DSCAM: variants seen among roughly 807,000 people sequenced by gnomAD.
DSCAM encodes the protein cell adhesion molecule DSCAM.
A neutral mutation model predicts 217.7 loss-of-function variants in DSCAM; 47 were observed. The observed-to-expected ratio is 0.22, with a 90% confidence interval of 0.17 to 0.28. The LOEUF (loss-of-function observed/expected upper bound fraction) is 0.28. Among genes scored for constraint, DSCAM ranks in the 10% least tolerant of loss-of-function variants. The pLI, the probability that DSCAM is intolerant of heterozygous loss-of-function variation, is 1.00. For missense variants in DSCAM, 2,080 were observed against 2,618.3 expected (o/e 0.79, Z 4.49); for synonymous variants, 1,056 against 1,015.3 (o/e 1.04, Z -0.76).
At chr21:40,810,288 T>C (rs940440722) in intron 1 of DSCAM, among the ~76,000 whole-genome samples, 1 of 151,718 alleles carries the variant, frequency 6.6e-6, no homozygotes, top group African/African-American at 2.4e-5. Flanking sequence ...CAGGAAGGAG[T>C]GTGTGGTAAT....
intron 32 of DSCAM, among the ~76,000 whole-genome samples, chr21:40,018,630 T>A (rs2088207654): frequency 1.3e-5 from 2 of 152,188 alleles, no homozygotes; most frequent in African/African-American, 4.8e-5. Context: ...GACTGCAGAA[T>A]GCGCAGGTCT....
chr21:40,057,049 C>A (rs2089036816), intron 28 of DSCAM, among the ~76,000 whole-genome samples: 1 of 152,168 alleles, frequency 6.6e-6, no homozygotes, highest in African/African-American at 2.4e-5. Flanking sequence ...CTGATGAGAT[C>A]CATGTATACT....
chr21:40,765,893 G>A (rs868376383), intron 1 of DSCAM, among the ~76,000 whole-genome samples: 3 of 152,184 alleles, frequency 2.0e-5, no homozygotes, highest in East Asian at 1.9e-4. Flanking sequence ...CATGTGGCTG[G>A]TCAGCTGCAG....
chr21:40,704,338 C>T (rs914944943), intron 2 of DSCAM, among the ~76,000 whole-genome samples: 16 of 152,118 alleles, frequency 1.1e-4, no homozygotes, highest in Admixed American at 9.8e-4. Flanking sequence ...TTAAATTTCC[C>T]CCATATCTTT....
At chr21:40,487,793 A>T (rs1019476383) in intron 3 of DSCAM, among the ~76,000 whole-genome samples, 1 of 152,174 alleles carries the variant, frequency 6.6e-6, no homozygotes, top group African/African-American at 2.4e-5. Context: ...CCAGGGAGAC[A>T]TCCAGGTTTT....
intron 14 of DSCAM, among the ~76,000 whole-genome samples, chr21:40,185,813 A>AG (rs1257606852): frequency 6.6e-6 from 1 of 152,156 alleles, no homozygotes; most frequent in Non-Finnish European, 1.5e-5. Flanking sequence ...ATGCTTGTTC[A>AG]GCTCAGCACT....
At chr21:40,036,314 TA>T (rs1199243053) in intron 32 of DSCAM, among the ~76,000 whole-genome samples, 17 of 149,684 alleles carry the variant, frequency 1.1e-4, no homozygotes, top group Admixed American at 1.1e-3. Flanking sequence ...ATAGATGCAA[TA>T]AAAAATGATA....
intron 8 of DSCAM, among the ~76,000 whole-genome samples, chr21:40,333,942 T>C (rs1168721693): frequency 6.6e-6 from 1 of 152,178 alleles, no homozygotes; most frequent in Admixed American, 6.5e-5. Flanking sequence ...TTGCAACCAA[T>C]GGGGTCATAG....
rs1247126340 is a variant in DSCAM at position 40,087,202 on chromosome 21, G to T, written c.3936C>A (p.Asp1312Glu). The part of the protein sequence containing the change: ...DIVLPCKAVG[D>E]PSPAVKWMKD... ...TCATCCATTTGACTGCAGGAGAAGG[G>T]TCCCCAACAGCCTTACAAGGCAAGA... Residue 1312 changes from aspartate (D) to glutamate (E), a missense_variant, in exon 22 of 33, where the codon GAC becomes GAA. Around this residue, in one of 5 missense-constraint regions of DSCAM, gnomAD observed 1,144 missense variants for 1,421.1 expected, o/e 0.81. Transcript: ENST00000400454. 6.2e-7 allele frequency: 1 copy of T among 1,614,018 alleles called. No individual in the cohort carries two copies. Among genetic ancestry groups the T allele is most frequent in the Admixed American group, 1.7e-5 (1 of 60,012 alleles).
At chr21:40,707,695 G>C (rs1568995210) in intron 2 of DSCAM, among the ~76,000 whole-genome samples, 1 of 152,178 alleles carries the variant, frequency 6.6e-6, no homozygotes, top group Non-Finnish European at 1.5e-5. Flanking sequence ...TTCAGAGCTA[G>C]ACTTAAAAAA....
chr21:40,348,711 G>A (rs2074594479), intron 5 of DSCAM, among the ~76,000 whole-genome samples: 1 of 152,132 alleles, frequency 6.6e-6, no homozygotes, highest in Non-Finnish European at 1.5e-5. Context: ...ATTTCACAGA[G>A]GAGCATTTTG....
chr21:40,247,173 G>A (rs186936672), intron 11 of DSCAM, among the ~76,000 whole-genome samples: 58 of 152,264 alleles, frequency 3.8e-4, no homozygotes, highest in Admixed American at 2.4e-3. Flanking sequence ...AATTCTGGGA[G>A]ATACAATTCA....
At chr21:40,652,100 T>C (rs2090020646) in intron 3 of DSCAM, among the ~76,000 whole-genome samples, 1 of 148,046 alleles carries the variant, frequency 6.8e-6, no homozygotes, top group Non-Finnish European at 1.5e-5. Context: ...TACTTTTAGC[T>C]GGTGAGAACA....
intron 20 of DSCAM, among the ~76,000 whole-genome samples, chr21:40,111,183 C>T (rs1402968489): frequency 6.6e-6 from 1 of 152,146 alleles, no homozygotes; most frequent in Non-Finnish European, 1.5e-5. Context: ...GGGTTACCCA[C>T]AAAGGAAAGC....
rs570027771 is a variant in DSCAM at position 40,482,039 on chromosome 21, T to G, written c.509-112794A>C. 7.7e-4 allele frequency among the ~76,000 whole-genome samples: 117 copies of G among 152,348 alleles called. 2 individuals are homozygous for G. In the Middle Eastern group the frequency reaches 0.014, roughly 18 times the overall value. On this transcript the variant is annotated intron_variant, in intron 3 of 32. Coordinates refer to ENST00000400454, the MANE Select transcript of DSCAM (RefSeq NM_001389.5). ...GTGTCTGAAGTCACTATAATTACCA[T>G]GGCAACACCACTCCGGGGGGAAGAG...
At chr21:40,143,477 A>G (rs2090316577) in intron 17 of DSCAM, among the ~76,000 whole-genome samples, 1 of 152,222 alleles carries the variant, frequency 6.6e-6, no homozygotes. Context: ...TACAGGTGCA[A>G]GTCCTATCTG....
At chr21:40,148,104 T>C (rs2090380053) in intron 16 of DSCAM, among the ~76,000 whole-genome samples, 3 of 152,198 alleles carry the variant, frequency 2.0e-5, no homozygotes, top group Admixed American at 2.0e-4. Flanking sequence ...ACAAGAGAGC[T>C]CTCCTCTATT....
chr21:40,444,802 T>C (rs565992588), intron 3 of DSCAM, among the ~76,000 whole-genome samples: 35 of 152,270 alleles, frequency 2.3e-4, no homozygotes, highest in African/African-American at 7.7e-4. Context: ...CAATGGCAGA[T>C]TACATATGAT....
intron 11 of DSCAM, among the ~76,000 whole-genome samples, chr21:40,215,423 A>G (rs567448563): frequency 1.1e-4 from 16 of 152,104 alleles, no homozygotes; most frequent in East Asian, 1.9e-4. Context: ...ACTCAACTAA[A>G]AAAAAACAAA....
Sources: allele counts gnomAD v4.1 joint callset (sites outside exome capture counted in the v4.1 genomes callset), GRCh38; gene constraint gnomAD v4.1.1; regional missense constraint gnomAD v4.1.1; transcripts MANE v1.5; gene names NCBI Gene and HGNC (gene_info 2026-07-23, HGNC 2026-07-21).